Variants in COPB1 observed in about 807,000 individuals in gnomAD.
COPB1 encodes the protein coat protein complex I subunit beta 1.
In COPB1, 21 loss-of-function variants were observed where a neutral mutation model predicts 108.7. The observed-to-expected ratio is 0.19, with a 90% CI of 0.14 to 0.28. COPB1 has a LOEUF of 0.28. COPB1 is among the 10% of genes least tolerant of loss of function. COPB1 has a pLI of 1.00. For missense variants in COPB1, 919 were observed against 1,141.3 expected, an observed-to-expected ratio of 0.81 and a Z score of 2.81; for synonymous variants, 378 against 386.8, an observed-to-expected ratio of 0.98 and a Z score of 0.27.
At chr11:14,488,799 G>A (rs1377293105) in intron 5 of COPB1, among the ~76,000 whole-genome samples, 1 of 152,054 alleles carries the variant, frequency 6.6e-6, no homozygotes, top group Non-Finnish European at 1.5e-5. Flanking sequence ...CCACAAACCT[G>A]GGGTCTGATT....
chr11:14,479,430 G>A, intron 11 of COPB1, 139 bp downstream of exon 11: 1 of 707,136 alleles, frequency 1.4e-6, no homozygotes, highest in South Asian at 3.1e-5. Context: ...AGTGGAGTTA[G>A]CGAGATGCTT....
Position 14,493,689 on chromosome 11 carries a change from G to A in COPB1, c.444C>T (p.His148=). ...AAACAGCATTTCTTCTAACATAGCTGTGTCGATGCTCCAAACATGCACGAA... is the reference window on the plus strand; with the variant it reads ...AAACAGCATTTCTTCTAACATAGCTATGTCGATGCTCCAAACATGCACGAA... ...PAIRACLEHR[H]SYVRRNAVLA... The change falls in exon 4 of 22, where the codon CAC becomes CAT. Residue 148 remains histidine (H), a synonymous_variant. Transcript: ENST00000439561. The A allele has an allele frequency of 6.2e-7, 1 of 1,613,330 alleles. No individual in the cohort carries two copies.
At position 14,466,355 on chromosome 11, in the gene COPB1, A is replaced by G. The variant is rs1333828737; in HGVS notation, c.2217T>C (p.Ile739=). The G allele has an allele frequency of 6.2e-7, 1 of 1,613,540 alleles. No homozygotes were observed. The highest frequency in any genetic ancestry group is 2.2e-5 in the East Asian group (1 of 44,836). ...GGTTCACAACAAGTACATCCAGGAC[A>G]ATATCATATTGGTTGACATGAACGT... ...EAYVHVNQYD[I]VLDVLVVNQT... Residue 739 remains isoleucine (I), a synonymous_variant, in exon 17 of 22, where the codon ATT becomes ATC. Coordinates refer to ENST00000439561, the MANE Select transcript of COPB1 (RefSeq NM_001144061.2).
intron 10 of COPB1, 83 bp from the exon 11 acceptor site, chr11:14,479,797 A>C: frequency 7.6e-7 from 1 of 1,318,340 alleles, no homozygotes; most frequent in Non-Finnish European, 1.0e-6. Context: ...AATTAAAAGA[A>C]TGTAATTCTT....
chr11:14,491,276 GACCTCGAGTGATCCACCC>G (rs1204438060), intron 4 of COPB1, among the ~76,000 whole-genome samples: 1 of 152,024 alleles, frequency 6.6e-6, no homozygotes, highest in Non-Finnish European at 1.5e-5. Flanking sequence ...TCATATTCCT[GACCTCGAGTGATCCACCC>G]ACCTCGGCTT....
At chr11:14,483,228 C>CCACACACACACACACACACACA (rs3217599) in intron 7 of COPB1, 77 bp from the exon 8 acceptor site, 2 of 471,418 alleles carry the variant, frequency 4.2e-6, no homozygotes, top group African/African-American at 3.9e-5. Context: ...CGCGCGCACA[C>CCACACACACACACACACACACA]CACACACACA....
rs372713994 is a variant in COPB1 at position 14,464,957 on chromosome 11, G to A, written c.2364C>T (p.Asn788=). 9 of 1,613,064 alleles carry A rather than the reference G, an allele frequency of 5.6e-6. No individual in the cohort carries two copies. Among genetic ancestry groups the A allele is most frequent in the African/African-American group, 2.7e-5 (2 of 74,796 alleles). The part of the protein sequence containing the change: ...APHDFANIKA[N]VKVASTENGI... ...CATTTTCTGTTGATGCTACTTTGAC[G>A]TTAGCTTTAATATTTGCGAAGTCAT... is the stretch of plus-strand genomic sequence containing the variant. The change falls in exon 18 of 22, where the codon AAC becomes AAT. Residue 788 remains asparagine, a synonymous_variant. Transcript: ENST00000439561.
At chr11:14,462,473 C>T (rs1479999615) in intron 18 of COPB1, among the ~76,000 whole-genome samples, 1 of 152,128 alleles carries the variant, frequency 6.6e-6, no homozygotes, top group East Asian at 1.9e-4. Context: ...ACCTCATGAT[C>T]CACCCGCCTT....
chr11:14,494,423 C>T lies in COPB1; in HGVS notation c.108G>A (p.Lys36=), dbSNP rs138700130. ...CTTTCTTCAAAGCTTCAGTCTTTGA[C>T]TTTACATCTCCTTTTTCTGAATCAA... The part of the protein sequence containing the change: ...LKNDLEKGDV[K]SKTEALKKVI... Residue 36 remains lysine, a synonymous_variant, in exon 3 of 22, where the codon AAG becomes AAA. Coordinates refer to ENST00000439561, the MANE Select transcript of COPB1 (RefSeq NM_001144061.2). The T allele has an allele frequency of 1.1e-5, 17 of 1,558,640 alleles. No individual in the cohort carries two copies. In the East Asian group the frequency reaches 3.6e-4, roughly 33 times the overall value.
intron 18 of COPB1, among the ~76,000 whole-genome samples, chr11:14,463,514 C>T (rs1030818722): frequency 2.0e-5 from 3 of 152,094 alleles, no homozygotes; most frequent in East Asian, 1.9e-4. Context: ...GACAGGATTT[C>T]GCTATGTTGG....
intron 2 of COPB1, among the ~76,000 whole-genome samples, chr11:14,495,548 G>A (rs1355544567): frequency 6.6e-6 from 1 of 152,172 alleles, no homozygotes; most frequent in African/African-American, 2.4e-5. Context: ...ATTTTTACTA[G>A]AGATGGGGTT....
intron 11 of COPB1, among the ~76,000 whole-genome samples, 183 bp downstream of exon 11, chr11:14,479,386 A>G (rs557875315): frequency 6.6e-6 from 1 of 152,342 alleles, no homozygotes; most frequent in South Asian, 2.1e-4. Context: ...TCCTAAAAAA[A>G]TTATTTTGGG....
rs370159924 is a variant in COPB1, at chr11:14,462,036, C to T, written c.2411-705G>A. 6.6e-5 allele frequency among the ~76,000 whole-genome samples: 10 copies of T among 151,448 alleles called. No homozygotes were observed. In the East Asian group the frequency reaches 7.7e-4, roughly 12 times the overall value. On this transcript the variant is annotated intron_variant, in intron 18 of 21. Coordinates refer to ENST00000439561, the MANE Select transcript of COPB1 (RefSeq NM_001144061.2). ...GGATATAATGACAAGGAAAAAATGTCTATATATGTTCAGTATAGACACAAC... is the reference window on the plus strand; with the variant it reads ...GGATATAATGACAAGGAAAAAATGTTTATATATGTTCAGTATAGACACAAC...
At chr11:14,489,775 A>G (rs1188766356) in intron 5 of COPB1, among the ~76,000 whole-genome samples, 3 of 152,220 alleles carry the variant, frequency 2.0e-5, no homozygotes, top group Non-Finnish European at 4.4e-5. Flanking sequence ...TTTGCAAGAC[A>G]AAAAAAGTTA....
In COPB1 at chr11:14,460,231, T is replaced by A; in HGVS notation, c.2623A>T (p.Met875Leu). The stretch of plus-strand genomic sequence containing the variant: ...ACCTTTTCTGGAGTCAGGCATTTCA[T>A]ATTGGTTGACTTTAATATGTGCTGT... Reference protein sequence around the residue: ...YLQHILKSTNMKCLTPEKALS... With the variant: ...YLQHILKSTNLKCLTPEKALS... Residue 875 changes from methionine to leucine, a missense_variant, in exon 20 of 22, where the codon ATG becomes TTG. By Grantham distance (15) the Met-to-Leu change is conservative. Coordinates refer to ENST00000439561, the MANE Select transcript of COPB1 (RefSeq NM_001144061.2). 1 of 1,611,070 alleles carries A rather than the reference T, an allele frequency of 6.2e-7. No individual in the cohort carries two copies. Among genetic ancestry groups the A allele is most frequent in the Non-Finnish European group, 8.5e-7 (1 of 1,177,504 alleles).
At chr11:14,462,182 A>C (rs1222421172) in intron 18 of COPB1, among the ~76,000 whole-genome samples, 1 of 150,392 alleles carries the variant, frequency 6.6e-6, no homozygotes, top group East Asian at 1.9e-4. Context: ...CACAGTAGAG[A>C]GTTATAATCT....
chr11:14,461,522 G>T (rs1196354297), intron 18 of COPB1, among the ~76,000 whole-genome samples, 191 bp from the exon 19 acceptor site: 1 of 152,150 alleles, frequency 6.6e-6, no homozygotes, highest in Non-Finnish European at 1.5e-5. Context: ...AATTCTGATA[G>T]TATTATTATT....
intron 6 of COPB1, among the ~76,000 whole-genome samples, chr11:14,486,761 C>T (rs1201079500): frequency 2.6e-5 from 4 of 151,786 alleles, no homozygotes; most frequent in Admixed American, 1.3e-4. Context: ...ATGGTGTGAA[C>T]AAAATAATTT....
Position 14,498,858 on chromosome 11 carries a change from AT to A in COPB1, c.70del (p.Ile24LeufsTer3). 6.2e-7 allele frequency: 1 copy of A among 1,604,942 alleles called. No individual in the cohort carries two copies. The highest frequency in any genetic ancestry group is 2.2e-5 in the East Asian group (1 of 44,740). On this transcript the variant is annotated frameshift_variant, in exon 2 of 22. Coordinates refer to ENST00000439561, the MANE Select transcript of COPB1 (RefSeq NM_001144061.2). LOFTEE classifies it high-confidence loss of function. ...VPMDSEPPSE[I>X]SLKNDLEKGD... ...TTTACCTAGATCATTTTTTAAGCTAATTTCAGATGGTGGTTCTGAATCCATT... is the reference window on the plus strand; with the variant it reads ...TTTACCTAGATCATTTTTTAAGCTAATTCAGATGGTGGTTCTGAATCCATT...
Sources: gnomAD v4.1 joint callset for allele counts (sites outside exome capture counted in the v4.1 genomes callset) on GRCh38, gnomAD v4.1.1 for gene constraint, MANE v1.5 for transcripts, NCBI Gene and HGNC (gene_info 2026-07-23, HGNC 2026-07-21) for gene names.